The following FRMD5 variants were observed in gnomAD, a reference collection of about 807,000 sequenced individuals.
FRMD5 encodes the protein FERM domain containing 5.
Under a neutral mutation model 69.0 loss-of-function variants are expected in FRMD5, and 20 were observed. The ratio of observed to expected loss-of-function variants is 0.29; its 90% CI spans 0.20 to 0.42. The LOEUF is 0.42. FRMD5 is among the 10% of genes least tolerant of loss of function. FRMD5 has a pLI of 1.00. For missense variants in FRMD5, 595 were observed against 708.6 expected, an observed-to-expected ratio of 0.84 and a Z score of 1.82; for synonymous variants, 271 against 260.1, an observed-to-expected ratio of 1.04 and a Z score of -0.40.
At chr15:44,159,917 C>T (rs909478996) in intron 1 of FRMD5, among the ~76,000 whole-genome samples, 5 of 152,162 alleles carry the variant, frequency 3.3e-5, no homozygotes, top group East Asian at 1.9e-4. Flanking sequence ...TAGCTTCTCT[C>T]GCAAGGTCCC....
intron 1 of FRMD5, among the ~76,000 whole-genome samples, chr15:44,080,809 C>T (rs900482829): frequency 2.6e-5 from 4 of 151,970 alleles, no homozygotes; most frequent in South Asian, 2.1e-4. Flanking sequence ...AGACAGAGAA[C>T]CCTCAAGTCT....
At chr15:44,135,982 G>A (rs773377545) in intron 1 of FRMD5, among the ~76,000 whole-genome samples, 3 of 152,032 alleles carry the variant, frequency 2.0e-5, no homozygotes, top group Non-Finnish European at 2.9e-5. Context: ...GTCGCAGTAA[G>A]TAATGCCAGG....
intron 1 of FRMD5, among the ~76,000 whole-genome samples, chr15:43,973,189 AT>A (rs2090410430): frequency 6.6e-6 from 1 of 150,738 alleles, no homozygotes; most frequent in Non-Finnish European, 1.5e-5. Flanking sequence ...CGCCTGGCTA[AT>A]TTTTTGTATT....
At chr15:44,077,812 A>T (rs1665218189) in intron 1 of FRMD5, among the ~76,000 whole-genome samples, 1 of 152,112 alleles carries the variant, frequency 6.6e-6, no homozygotes, top group Non-Finnish European at 1.5e-5. Flanking sequence ...ATTATCAAAC[A>T]TCTGCTATGG....
At chr15:43,992,535 G>A (rs562492622) in intron 1 of FRMD5, among the ~76,000 whole-genome samples, 2 of 152,066 alleles carry the variant, frequency 1.3e-5, no homozygotes, top group South Asian at 4.2e-4. Flanking sequence ...ATGCTACTAT[G>A]CCCAGCTAAT....
At chr15:43,916,166 C>G (rs141908685) in intron 4 of FRMD5, among the ~76,000 whole-genome samples, 1 of 152,110 alleles carries the variant, frequency 6.6e-6, no homozygotes, top group Non-Finnish European at 1.5e-5. Flanking sequence ...GCATGCAGAC[C>G]GAGAGGAGCT....
chr15:43,999,850 A>G (rs1890098055), intron 1 of FRMD5, among the ~76,000 whole-genome samples: 1 of 104,496 alleles, frequency 9.6e-6, no homozygotes, highest in Admixed American at 1.2e-4. Flanking sequence ...TGGAATATCT[A>G]TATCACAGAT....
intron 1 of FRMD5, among the ~76,000 whole-genome samples, chr15:44,144,074 T>A (rs536835241): frequency 6.6e-6 from 1 of 152,158 alleles, no homozygotes; most frequent in African/African-American, 2.4e-5. Flanking sequence ...TGAGAACTTT[T>A]CAGTGTCCAA....
intron 1 of FRMD5, among the ~76,000 whole-genome samples, chr15:44,045,212 G>A (rs541002203): frequency 1.2e-4 from 18 of 152,268 alleles, no homozygotes; most frequent in Admixed American, 9.2e-4. Flanking sequence ...AATTCAATTA[G>A]GTCAATTTCA....
Position 44,022,479 on chromosome 15 carries a change from C to G in FRMD5, c.103-98170G>C, listed in dbSNP as rs1011097467. On this transcript the variant is annotated intron_variant, in intron 1 of 13. Transcript: ENST00000417257. ...ATCTCAGCTACTCGGGAGGCTGAGA[C>G]AGGAGAATCACTTGAACCTCGGAGG... Among the ~76,000 whole-genome samples the G allele has an allele frequency of 2.1e-5, 3 of 145,444 alleles. No individual in the cohort carries two copies. The Admixed American group carries it at 2.2e-4, about 11-fold the overall frequency.
chr15:43,873,184 C>A lies in FRMD5; in HGVS notation c.*701G>T, dbSNP rs1164609268. 6.4e-7 allele frequency: 1 copy of A among 1,550,434 alleles called. No individual in the cohort carries two copies. The highest frequency in any genetic ancestry group is 1.4e-5 in the African/African-American group (1 of 73,042). ...GGACAGACTTACCCCACCCCTGATG[C>A]TGCTGTTGCTGTAGCGGTGGTCCCT... On this transcript the variant is annotated 3_prime_UTR_variant, in exon 14 of 14. Transcript: ENST00000417257.
At chr15:43,895,488 T>C (rs1595491984) in intron 7 of FRMD5, among the ~76,000 whole-genome samples, 1 of 152,330 alleles carries the variant, frequency 6.6e-6, no homozygotes, top group East Asian at 1.9e-4. Flanking sequence ...AGGCAGGTGT[T>C]AGAGTTAGAG....
At chr15:44,163,868 G>A (rs542436786) in intron 1 of FRMD5, among the ~76,000 whole-genome samples, 13 of 152,246 alleles carry the variant, frequency 8.5e-5, no homozygotes, top group African/African-American at 2.9e-4. Flanking sequence ...CAGCTGATCA[G>A]AGGCCCTGAA....
intron 1 of FRMD5, among the ~76,000 whole-genome samples, chr15:43,939,535 C>G (rs966830633): frequency 1.3e-5 from 2 of 151,892 alleles, no homozygotes; most frequent in African/African-American, 4.8e-5. Context: ...CTGGGGTGCT[C>G]TTTTTTATTA....
chr15:44,129,455 C>T (rs763636544), intron 1 of FRMD5, among the ~76,000 whole-genome samples: 62 of 152,100 alleles, frequency 4.1e-4, no homozygotes, highest in Non-Finnish European at 6.6e-4. Context: ...TCTGAAGAAT[C>T]CAGTGAGGAG....
rs147995028 is a variant in FRMD5, at chr15:43,906,881, G to A, written c.428-930C>T. Among the ~76,000 whole-genome samples the A allele has an allele frequency of 8.7e-3, 1,326 of 152,186 alleles. 79 individuals are homozygous for A. Among genetic ancestry groups the A allele is most frequent in the Admixed American group, 0.077 (1,175 of 15,284 alleles). ...CTCCCAAAGTGCTGGGATTACAGGC[G>A]TGAGCCACCGCACCCGGCCGAGAAG... On this transcript the variant is annotated intron_variant, in intron 5 of 13. Coordinates refer to ENST00000417257, the MANE Select transcript of FRMD5 (RefSeq NM_032892.5).
At chr15:43,953,565 G>A (rs372250794) in intron 1 of FRMD5, among the ~76,000 whole-genome samples, 1 of 152,146 alleles carries the variant, frequency 6.6e-6, no homozygotes, top group African/African-American at 2.4e-5. Flanking sequence ...AGACCATATC[G>A]CTCACTAAGC....
chr15:43,991,120 A>T (rs1889654689), intron 1 of FRMD5, among the ~76,000 whole-genome samples: 1 of 152,198 alleles, frequency 6.6e-6, no homozygotes, highest in South Asian at 2.1e-4. Context: ...GGACTGTATG[A>T]CCTGTACAGG....
chr15:44,071,182 C>T (rs1396818360), intron 1 of FRMD5, among the ~76,000 whole-genome samples: 1 of 152,138 alleles, frequency 6.6e-6, no homozygotes, highest in Non-Finnish European at 1.5e-5. Context: ...GATTCATCCT[C>T]CCAGGTCAGT....
Sources: gnomAD v4.1 joint callset for allele counts (sites outside exome capture counted in the v4.1 genomes callset) on GRCh38, gnomAD v4.1.1 for gene constraint, MANE v1.5 for transcripts, NCBI Gene and HGNC (gene_info 2026-07-23, HGNC 2026-07-21) for gene names.